The following RPRD1A variants were observed in gnomAD, a reference collection of about 807,000 sequenced individuals.
RPRD1A encodes regulation of nuclear pre-mRNA domain containing 1A, also known as regulation of nuclear pre-mRNA domain-containing protein 1A.
A neutral mutation model predicts 37.8 loss-of-function variants in RPRD1A; 9 were observed. That is an observed-to-expected ratio of 0.24 (90% confidence interval 0.14 to 0.42). RPRD1A has a LOEUF of 0.42. RPRD1A is among the 10% of genes least tolerant of loss of function. RPRD1A has a pLI of 1.00. For synonymous variants in RPRD1A, 138 were observed against 139.7 expected (o/e 0.99, Z 0.08); for missense variants, 255 against 371.0 (o/e 0.69, Z 2.57).
At chr18:36,035,911 G>A (rs1423632082) in intron 1 of RPRD1A, among the ~76,000 whole-genome samples, 3 of 152,088 alleles carry the variant, frequency 2.0e-5, no homozygotes, top group Non-Finnish European at 4.4e-5. Context: ...AGAGTAGAAG[G>A]ATAGTTGCCA....
chr18:36,066,044 C>T (rs1268934612), intron 1 of RPRD1A, among the ~76,000 whole-genome samples: 1 of 152,148 alleles, frequency 6.6e-6, no homozygotes, highest in Non-Finnish European at 1.5e-5. Context: ...CCTGACTTTT[C>T]AAAGTTCACA....
At chr18:36,025,240 C>G (rs966616586) in intron 6 of RPRD1A, 1 of 156,070 alleles carries the variant, frequency 6.4e-6, no homozygotes, top group Non-Finnish European at 1.4e-5. Flanking sequence ...GTTACTTAAT[C>G]TTCCTGTGCC....
At chr18:36,067,139 C>A (rs529385537) in intron 1 of RPRD1A, 115 bp downstream of exon 1, 44 of 1,164,898 alleles carry the variant, frequency 3.8e-5, no homozygotes, top group Non-Finnish European at 4.8e-5. Flanking sequence ...CGCAGACCAC[C>A]GCGCGCTGGC....
chr18:35,998,027 G>C, intron 6 of RPRD1A, among the ~76,000 whole-genome samples: 1 of 152,288 alleles, frequency 6.6e-6, no homozygotes, highest in African/African-American at 2.4e-5. Flanking sequence ...ATCACAGGTT[G>C]GTTGTGCTCA....
intron 1 of RPRD1A, among the ~76,000 whole-genome samples, chr18:36,045,983 C>T (rs1035661055): frequency 6.6e-6 from 1 of 152,176 alleles, no homozygotes; most frequent in Non-Finnish European, 1.5e-5. Flanking sequence ...TTGAGGAAAT[C>T]TGGGCTACTG....
intron 2 of RPRD1A, among the ~76,000 whole-genome samples, chr18:36,032,053 C>G (rs368692648): frequency 6.6e-6 from 1 of 152,214 alleles, no homozygotes; most frequent in Non-Finnish European, 1.5e-5. Flanking sequence ...GCTCATTTCA[C>G]CCCTTCCTTT....
intron 4 of RPRD1A, chr18:36,028,311 T>A (rs771115295): frequency 2.6e-5 from 4 of 152,108 alleles, no homozygotes; most frequent in Non-Finnish European, 4.4e-5. Context: ...ATAAGAAATA[T>A]ACTATCCTAC....
intron 1 of RPRD1A, among the ~76,000 whole-genome samples, chr18:36,053,484 T>C (rs1488095976): frequency 6.6e-6 from 1 of 152,244 alleles, no homozygotes; most frequent in Non-Finnish European, 1.5e-5. Context: ...CACTGTAGAA[T>C]GTATCAGTAC....
At chr18:36,031,675 A>T (rs1466146069) in intron 2 of RPRD1A, among the ~76,000 whole-genome samples, 1 of 152,202 alleles carries the variant, frequency 6.6e-6, no homozygotes, top group Non-Finnish European at 1.5e-5. Context: ...TACCTCCTTC[A>T]TTGCTATCAC....
At chr18:36,058,679 C>G (rs1363557850) in intron 1 of RPRD1A, among the ~76,000 whole-genome samples, 1 of 152,190 alleles carries the variant, frequency 6.6e-6, no homozygotes, top group African/African-American at 2.4e-5. Flanking sequence ...ATCCTAGTCT[C>G]TTGATCTAAT....
At chr18:36,057,087 A>T (rs1913841316) in intron 1 of RPRD1A, among the ~76,000 whole-genome samples, 1 of 138,398 alleles carries the variant, frequency 7.2e-6, no homozygotes. Flanking sequence ...AAAATCAGCC[A>T]GTCATGGTAG....
intron 1 of RPRD1A, among the ~76,000 whole-genome samples, chr18:36,042,276 C>A (rs1485200202): frequency 6.6e-6 from 1 of 152,106 alleles, no homozygotes; most frequent in Non-Finnish European, 1.5e-5. Context: ...GCACATCTAC[C>A]CTAACTATAA....
At chr18:36,064,089 G>T (rs2088968838) in intron 1 of RPRD1A, 1 of 152,236 alleles carries the variant, frequency 6.6e-6, no homozygotes, top group Non-Finnish European at 1.5e-5. Context: ...AGGTGACAAC[G>T]TCCTAGCAGC....
chr18:36,056,495 C>CT (rs1224218249), intron 1 of RPRD1A, among the ~76,000 whole-genome samples: 1 of 152,094 alleles, frequency 6.6e-6, no homozygotes, highest in Non-Finnish European at 1.5e-5. Flanking sequence ...ACCATGTTGG[C>CT]TAGGCTGGTC....
intron 6 of RPRD1A, 144 bp downstream of exon 6, chr18:36,026,756 T>C: frequency 1.6e-6 from 1 of 615,364 alleles, no homozygotes; most frequent in Non-Finnish European, 2.6e-6. Context: ...AAACCATTAA[T>C]ACAAGGAGAA....
At chr18:36,005,177 T>A (rs1230596515) in intron 6 of RPRD1A, among the ~76,000 whole-genome samples, 1 of 152,088 alleles carries the variant, frequency 6.6e-6, no homozygotes, top group Non-Finnish European at 1.5e-5. Flanking sequence ...GGCGGGCGCC[T>A]GTAGTCCCAG....
intron 6 of RPRD1A, among the ~76,000 whole-genome samples, chr18:36,018,272 ACTTTT>A: frequency 1.2e-5 from 1 of 80,116 alleles, no homozygotes; most frequent in South Asian, 4.4e-4. Flanking sequence ...TCCAAGTTAC[ACTTTT>A]TTTTTTTTTT....
intron 6 of RPRD1A, among the ~76,000 whole-genome samples, chr18:35,999,272 C>G (rs532643260): frequency 6.6e-6 from 1 of 152,176 alleles, no homozygotes; most frequent in Non-Finnish European, 1.5e-5. Context: ...CAATCTACTT[C>G]CTATGTAAAC....
At chr18:36,043,966 C>T (rs1294622865) in intron 1 of RPRD1A, among the ~76,000 whole-genome samples, 3 of 152,152 alleles carry the variant, frequency 2.0e-5, no homozygotes, top group Admixed American at 2.0e-4. Flanking sequence ...TTACTGATAA[C>T]ATAAATAACA....
Sources: gnomAD v4.1 joint callset for allele counts (sites outside exome capture counted in the v4.1 genomes callset) on GRCh38, gnomAD v4.1.1 for gene constraint, MANE v1.5 for transcripts, NCBI Gene and HGNC (gene_info 2026-07-23, HGNC 2026-07-21) for gene names.